The following KMT5B variants were observed in gnomAD, a reference collection of about 807,000 sequenced individuals.
KMT5B encodes the protein lysine methyltransferase 5B, also known as histone-lysine N-methyltransferase KMT5B.
A neutral mutation model predicts 83.2 loss-of-function variants in KMT5B; 10 were observed. The ratio of observed to expected loss-of-function variants is 0.12; its 90% CI spans 0.07 to 0.20. The LOEUF (loss-of-function observed/expected upper bound fraction) is 0.20, where lower values mean the gene tolerates loss of function less well. Among genes scored for constraint, KMT5B ranks in the 10% least tolerant of loss-of-function variants. KMT5B has a pLI of 1.00. For synonymous variants in KMT5B, 349 were observed against 388.8 expected, an observed-to-expected ratio of 0.90 and a Z score of 1.20; for missense variants, 753 against 1,067.2, an observed-to-expected ratio of 0.71 and a Z score of 4.10.
chr11:68,171,808 A>C lies in KMT5B; in HGVS notation c.654-99T>G. 9.9e-7 allele frequency: 1 copy of C among 1,015,106 alleles called. No individual in the cohort carries two copies. The highest frequency in any genetic ancestry group is 1.4e-6 in the Non-Finnish European group (1 of 696,542). The allele number at this position is 1,015,106 out of a possible 1,614,324, so 62.9% of individuals were successfully genotyped here. A position where few individuals can be genotyped will look rare whatever the true frequency, so the allele number is the denominator to read the frequency against. On this transcript the variant is annotated intron_variant, in intron 6 of 10. Coordinates refer to ENST00000304363, the MANE Select transcript of KMT5B (RefSeq NM_017635.5). This position sits in a 1 kb window ranked among gnomAD's most constrained non-coding sequence, Gnocchi z 5.1. ...CTGACAATAAATATCAGAAACTGAA[A>C]AGGCCTAGCTGTCTATACTTTAGTT...
chr11:68,184,338 C>T (rs1311549762), intron 3 of KMT5B, among the ~76,000 whole-genome samples: 3 of 151,824 alleles, frequency 2.0e-5, no homozygotes, highest in African/African-American at 7.3e-5. Flanking sequence ...TGCCACTGCA[C>T]TCCAGTCTGG....
chr11:68,171,836 C>CGA lies in KMT5B; in HGVS notation c.654-128_654-127insTC. ...GCCTAGCTGTCTATACTTTAGTTAG[C>CGA]TCACTGGGATCCCCACCTGGCTATC... On this transcript the variant is annotated intron_variant, in intron 6 of 10. Coordinates refer to ENST00000304363, the MANE Select transcript of KMT5B (RefSeq NM_017635.5). The surrounding 1 kb of genome is among the most constrained non-coding windows in gnomAD (Gnocchi z 5.1). The CGA allele has an allele frequency of 2.7e-6, 2 of 752,784 alleles. No homozygotes were observed. Among genetic ancestry groups the CGA allele is most frequent in the Admixed American group, 2.9e-5 (1 of 34,350 alleles). 46.6% of individuals were successfully genotyped at this position (752,784 alleles called of 1,614,324 possible). A position where few individuals can be genotyped will look rare whatever the true frequency, so the allele number is the denominator to read the frequency against.
intron 6 of KMT5B, among the ~76,000 whole-genome samples, chr11:68,172,841 G>T (rs1855977631): frequency 1.3e-5 from 2 of 152,054 alleles, no homozygotes; most frequent in Non-Finnish European, 2.9e-5. Context: ...CACCCCAGAG[G>T]CCTGGCAATA....
intron 10 of KMT5B, chr11:68,165,789 T>G: frequency 4.5e-6 from 7 of 1,567,216 alleles, no homozygotes; most frequent in Non-Finnish European, 6.1e-6. Flanking sequence ...TGTTGTTCAC[T>G]CTGGACATTA....
chr11:68,194,845 T>C (rs771655304), intron 1 of KMT5B, among the ~76,000 whole-genome samples: 16 of 152,152 alleles, frequency 1.1e-4, no homozygotes, highest in Non-Finnish European at 2.1e-4. Context: ...AATTTAGAAT[T>C]AGGTTTTTTG....
At chr11:68,176,870 C>T (rs1030565556) in intron 4 of KMT5B, among the ~76,000 whole-genome samples, 7 of 152,000 alleles carry the variant, frequency 4.6e-5, no homozygotes, top group African/African-American at 1.7e-4. Context: ...ATTAGTGGTT[C>T]AGGAGAAAAA....
At chr11:68,159,253 C>G in intron 10 of KMT5B, 82 bp from the exon 11 acceptor site, 2 of 1,488,820 alleles carry the variant, frequency 1.3e-6, no homozygotes, top group East Asian at 4.6e-5. Context: ...AGGCTATTAG[C>G]TACAGCACGT....
intron 3 of KMT5B, among the ~76,000 whole-genome samples, chr11:68,182,972 G>C (rs181121449): frequency 6.6e-6 from 1 of 151,952 alleles, no homozygotes; most frequent in Non-Finnish European, 1.5e-5. Flanking sequence ...CCGACCTCAG[G>C]TGATCCGCCC....
intron 4 of KMT5B, among the ~76,000 whole-genome samples, chr11:68,175,986 C>T (rs1323350535): frequency 7.1e-6 from 1 of 141,308 alleles, no homozygotes; most frequent in African/African-American, 2.6e-5. Flanking sequence ...GTGATCTTGG[C>T]TCACTGCAAC....
intron 3 of KMT5B, among the ~76,000 whole-genome samples, chr11:68,183,217 A>C (rs961955917): frequency 1.6e-4 from 18 of 114,272 alleles, no homozygotes; most frequent in Non-Finnish European, 7.4e-5. Flanking sequence ...TCTTAACTCA[A>C]AAAAAAAAAA....
At chr11:68,185,687 C>T (rs1260332621) in intron 3 of KMT5B, 94 bp downstream of exon 3, 2 of 1,302,888 alleles carry the variant, frequency 1.5e-6, no homozygotes, top group Non-Finnish European at 2.1e-6. Context: ...CCTTTAATGT[C>T]ATTTTAAATT....
intron 10 of KMT5B, among the ~76,000 whole-genome samples, chr11:68,165,045 T>G (rs1009866547): frequency 3.3e-5 from 5 of 152,246 alleles, no homozygotes; most frequent in African/African-American, 1.2e-4. Context: ...TGTATTCTTA[T>G]CTTTTAAACT....
At position 68,189,079 on chromosome 11, in the gene KMT5B, G is replaced by C. The variant is rs558362607; in HGVS notation, c.160+838C>G. Among the ~76,000 whole-genome samples the C allele has an allele frequency of 2.6e-5, 4 of 152,322 alleles. No individual in the cohort carries two copies. In the South Asian group the frequency reaches 6.2e-4, roughly 24 times the overall value. On this transcript the variant is annotated intron_variant, in intron 2 of 10. Transcript: ENST00000304363. ...GTAAGAAGGAAATCTATCAGAACTT[G>C]TACAATCTGAAACTACAGAAAATCC... is the stretch of plus-strand genomic sequence containing the variant.
chr11:68,205,765 C>T (rs1860021151), intron 1 of KMT5B, among the ~76,000 whole-genome samples: 1 of 151,994 alleles, frequency 6.6e-6, no homozygotes, highest in Admixed American at 6.6e-5. Context: ...GGACTACAGA[C>T]ACCCGCCACC....
chr11:68,204,140 C>T (rs1859779350), intron 1 of KMT5B, among the ~76,000 whole-genome samples: 1 of 151,956 alleles, frequency 6.6e-6, no homozygotes, highest in South Asian at 2.1e-4. Context: ...CACCCACTGC[C>T]CTTTCAGAAT....
At chr11:68,207,976 T>C (rs1451620250) in intron 1 of KMT5B, among the ~76,000 whole-genome samples, 2 of 150,164 alleles carry the variant, frequency 1.3e-5, no homozygotes, top group African/African-American at 4.9e-5. Context: ...GTAGCAGGAA[T>C]TACAGGTGCC....
chr11:68,167,614 C>T (rs1285784679), intron 9 of KMT5B, among the ~76,000 whole-genome samples: 2 of 152,012 alleles, frequency 1.3e-5, no homozygotes, highest in Non-Finnish European at 2.9e-5. Context: ...AGCACCACCA[C>T]CAGCTAATTT....
intron 4 of KMT5B, 146 bp downstream of exon 4, chr11:68,179,982 CAACT>C: frequency 2.2e-6 from 2 of 910,916 alleles, no homozygotes; most frequent in Admixed American, 3.0e-5. Context: ...TTAAAAAATA[CAACT>C]ATTATCAAAC....
chr11:68,162,219 C>G (rs945736733), intron 10 of KMT5B, among the ~76,000 whole-genome samples: 1 of 152,192 alleles, frequency 6.6e-6, no homozygotes, highest in African/African-American at 2.4e-5. Context: ...CGTTTACCAC[C>G]ACATAGCCAG....
Sources: gnomAD v4.1 joint callset for allele counts (sites outside exome capture counted in the v4.1 genomes callset) on GRCh38, gnomAD v4.1.1 for gene constraint, Gnocchi (gnomAD v3.1) non-coding constraint, MANE v1.5 for transcripts, NCBI Gene and HGNC (gene_info 2026-07-23, HGNC 2026-07-21) for gene names.